CBX7: variants seen among roughly 807,000 people sequenced by gnomAD.
The protein encoded by CBX7 is chromobox protein homolog 7.
Under a neutral mutation model 31.4 loss-of-function variants are expected in CBX7, and 14 were observed. The observed-to-expected ratio is 0.45, with a 90% CI of 0.29 to 0.70. The LOEUF is 0.70. Among genes scored for constraint, CBX7 ranks in the 30% least tolerant of loss-of-function variants. The pLI, the probability that CBX7 is intolerant of heterozygous loss-of-function variation, is 0.11. For missense variants in CBX7, 269 were observed against 351.9 expected, an observed-to-expected ratio of 0.76 and a Z score of 1.89; for synonymous variants, 159 against 152.6, an observed-to-expected ratio of 1.04 and a Z score of -0.31.
At chr22:39,151,510 C>A (rs1044353003) in intron 1 of CBX7, among the ~76,000 whole-genome samples, 2 of 152,168 alleles carry the variant, frequency 1.3e-5, no homozygotes, top group Non-Finnish European at 2.9e-5. Flanking sequence ...GAGGAGGTGA[C>A]CCCCTAAGGC....
At chr22:39,135,644 G>A (rs1007864406) in intron 4 of CBX7, 2 of 152,288 alleles carry the variant, frequency 1.3e-5, no homozygotes, top group African/African-American at 4.8e-5. Flanking sequence ...GCCTGTTAAC[G>A]GCATCACATG....
chr22:39,133,743 T>C lies in CBX7; in HGVS notation c.*148A>G, dbSNP rs1311550489. 1 of 728,044 alleles carries C rather than the reference T, an allele frequency of 1.4e-6. No homozygotes were observed. The highest frequency in any genetic ancestry group is 2.1e-6 in the Non-Finnish European group (1 of 475,342). The allele number at this position is 728,044 out of a possible 1,614,324, so 45.1% of individuals were successfully genotyped here. The stretch of plus-strand genomic sequence containing the variant: ...AAACGTCCCTCAGAGAAAGGGCAGG[T>C]GGTGGGAGAGTAGTGGGATCTTCTC... On this transcript the variant is annotated 3_prime_UTR_variant, in exon 6 of 6. Transcript: ENST00000216133.
intron 2 of CBX7, chr22:39,149,530 G>A (rs111266668): frequency 3.7e-6 from 2 of 547,482 alleles, no homozygotes; most frequent in South Asian, 2.3e-5. Flanking sequence ...GGAGGAGGGA[G>A]AGCAGAAGCT....
intron 2 of CBX7, chr22:39,147,049 T>G (rs1347483804): frequency 2.0e-5 from 3 of 150,310 alleles, no homozygotes; most frequent in Non-Finnish European, 4.4e-5. Flanking sequence ...AGGCAAGGCA[T>G]GTAGTGGTTT....
At chr22:39,141,272 C>CT in intron 3 of CBX7, 99 bp downstream of exon 3, 1 of 1,053,316 alleles carries the variant, frequency 9.5e-7, no homozygotes, top group Non-Finnish European at 1.4e-6. Flanking sequence ...TCGGACACCC[C>CT]TGCCCTGCCC....
intron 4 of CBX7, among the ~76,000 whole-genome samples, chr22:39,138,017 T>TA (rs1930314024): frequency 6.6e-6 from 1 of 151,976 alleles, no homozygotes; most frequent in Non-Finnish European, 1.5e-5. Flanking sequence ...CCGTCTCTGC[T>TA]AAAAATACAA....
chr22:39,138,089 G>A (rs1014771267), intron 4 of CBX7, among the ~76,000 whole-genome samples: 35 of 151,556 alleles, frequency 2.3e-4, no homozygotes, highest in African/African-American at 8.5e-4. Flanking sequence ...GCTGAGGCAG[G>A]AGAATGGCGT....
intron 5 of CBX7, 140 bp from the exon 6 acceptor site, chr22:39,134,188 G>T: frequency 1.0e-6 from 1 of 968,130 alleles, no homozygotes; most frequent in Non-Finnish European, 1.5e-6. Context: ...GGACACTTGG[G>T]AGGAGGGCAC....
chr22:39,145,749 G>A (rs1366587943), intron 2 of CBX7, among the ~76,000 whole-genome samples: 1 of 150,506 alleles, frequency 6.6e-6, no homozygotes, highest in Non-Finnish European at 1.5e-5. Flanking sequence ...GGACAGGGAC[G>A]GCGCGCGCCG....
rs67244690 is a variant in CBX7, at chr22:39,139,702, CAAAAAAAAA to C, written c.180-1009_180-1001del. Reference sequence around the variant, plus strand: ...TGGGCAACAGAGCGAGACTCCATCTCAAAAAAAAAAAAAAAAAAAGAAAGAAAGAAAAAG... The same window carrying C: ...TGGGCAACAGAGCGAGACTCCATCTCAAAAAAAAAAGAAAGAAAGAAAAAG... On this transcript the variant is annotated intron_variant, in intron 3 of 5. Coordinates refer to ENST00000216133, the MANE Select transcript of CBX7 (RefSeq NM_175709.5). Among the ~76,000 whole-genome samples, 269 of 32,060 alleles carry C rather than the reference CAAAAAAAAA, an allele frequency of 8.4e-3. 2 individuals carry two copies. Among genetic ancestry groups the C allele is most frequent in the Middle Eastern group, 0.067 (4 of 60 alleles). 21.0% of individuals were successfully genotyped at this position (32,060 alleles called of 152,430 possible).
intron 2 of CBX7, among the ~76,000 whole-genome samples, chr22:39,142,265 C>T (rs1386202036): frequency 6.6e-6 from 1 of 152,132 alleles, no homozygotes; most frequent in Non-Finnish European, 1.5e-5. Context: ...GTGTCGTCAG[C>T]GCACTGTGTT....
chr22:39,145,761 C>A, intron 2 of CBX7, among the ~76,000 whole-genome samples: 1 of 150,716 alleles, frequency 6.6e-6, no homozygotes, highest in African/African-American at 2.4e-5. Context: ...CGCGCGCCGG[C>A]TCCGAGATAA....
Position 39,152,287 on chromosome 22 carries a change from T to G in CBX7, c.69+89A>C. On this transcript the variant is annotated intron_variant, in intron 1 of 5. Transcript: ENST00000216133. The surrounding 1 kb of genome is among the most constrained non-coding windows in gnomAD (Gnocchi z 4.9). Reference sequence around the variant, plus strand: ...GCTGCCGGGGCCCCCGCGCCCCGCTTTCCCCTTCAGCCCCAGCGTGGAGGG... The same window carrying G: ...GCTGCCGGGGCCCCCGCGCCCCGCTGTCCCCTTCAGCCCCAGCGTGGAGGG... 1 of 858,116 alleles carries G rather than the reference T, an allele frequency of 1.2e-6. No individual in the cohort carries two copies. Among genetic ancestry groups the G allele is most frequent in the Non-Finnish European group, 1.5e-6 (1 of 654,632 alleles). 53.2% of individuals were successfully genotyped at this position (858,116 alleles called of 1,614,324 possible).
intron 2 of CBX7, among the ~76,000 whole-genome samples, chr22:39,145,731 G>T (rs1003960094): frequency 6.6e-6 from 1 of 150,750 alleles, no homozygotes; most frequent in Non-Finnish European, 1.5e-5. Flanking sequence ...GGGCGGGGGC[G>T]GGGGCGGGGA....
chr22:39,151,845 A>C (rs1234156378), intron 1 of CBX7, among the ~76,000 whole-genome samples: 1 of 3,294 alleles, frequency 3.0e-4, no homozygotes, highest in South Asian at 6.9e-3. Flanking sequence ...CTAGGAGTTG[A>C]GGTGGGGGTG....
intron 4 of CBX7, 200 bp from the exon 5 acceptor site, chr22:39,134,952 C>T (rs1930200834): frequency 3.6e-6 from 2 of 559,094 alleles, no homozygotes; most frequent in Non-Finnish European, 6.3e-6. Context: ...GGTCGGCCAG[C>T]TCAGCCCTGC....
chr22:39,133,759 G>C lies in CBX7; in HGVS notation c.*132C>G. 1 of 861,266 alleles carries C rather than the reference G, an allele frequency of 1.2e-6. No homozygotes were observed. 53.4% of individuals were successfully genotyped at this position (861,266 alleles called of 1,614,324 possible). A position where few individuals can be genotyped will look rare whatever the true frequency, so the allele number is the denominator to read the frequency against. ...AAGGGCAGGTGGTGGGAGAGTAGTGGGATCTTCTCCCCTTTTGCTGCTCGG... is the reference window on the plus strand; with the variant it reads ...AAGGGCAGGTGGTGGGAGAGTAGTGCGATCTTCTCCCCTTTTGCTGCTCGG... On this transcript the variant is annotated 3_prime_UTR_variant, in exon 6 of 6. Transcript: ENST00000216133.
intron 2 of CBX7, among the ~76,000 whole-genome samples, chr22:39,145,181 A>G (rs989520710): frequency 2.0e-5 from 3 of 152,180 alleles, no homozygotes; most frequent in Non-Finnish European, 4.4e-5. Context: ...CTGAGATAAC[A>G]GGGTCGCACT....
In CBX7 at chr22:39,134,730, C is replaced by T. The variant is rs755050854; in HGVS notation, c.269G>A (p.Arg90Gln). 6 of 1,558,806 alleles carry T rather than the reference C, an allele frequency of 3.8e-6. No homozygotes were observed. Among genetic ancestry groups the T allele is most frequent in the Admixed American group, 1.9e-5 (1 of 53,674 alleles). The change falls in exon 5 of 6, where the codon CGG becomes CAG. Residue 90 changes from arginine to glutamine, a missense_variant. This residue lies in a region of CBX7 where 222 missense variants were observed against 240.4 expected (regional missense o/e 0.92). Coordinates refer to ENST00000216133, the MANE Select transcript of CBX7 (RefSeq NM_175709.5). ...LLQRLYSMDL[R>Q]SSHKAKGKEK... ...CTTGCCCTTGGCCTTGTGGGAGCTCCGCAGGTCCATGCTGTACAGCCGCTG... is the reference window on the plus strand; with the variant it reads ...CTTGCCCTTGGCCTTGTGGGAGCTCTGCAGGTCCATGCTGTACAGCCGCTG...
Sources: gnomAD v4.1 joint callset for allele counts (sites outside exome capture counted in the v4.1 genomes callset) on GRCh38, gnomAD v4.1.1 for gene constraint, gnomAD v4.1.1 regional missense constraint, Gnocchi (gnomAD v3.1) non-coding constraint, MANE v1.5 for transcripts, NCBI Gene and HGNC (gene_info 2026-07-23, HGNC 2026-07-21) for gene names.